Variants in ZNF208 observed in about 807,000 individuals in gnomAD.
ZNF208 encodes the protein zinc finger protein 208, also known as zinc finger protein 95.
A neutral mutation model predicts 12.1 loss-of-function variants in ZNF208; 10 were observed. The ratio of observed to expected loss-of-function variants is 0.83; its 90% CI spans 0.51 to 1.40. The LOEUF (loss-of-function observed/expected upper bound fraction) is 1.40, where lower values mean the gene tolerates loss of function less well. Among genes scored for constraint, ZNF208 ranks in the 40% most tolerant of loss-of-function variants. The pLI is 0.00. For missense variants in ZNF208, 1,652 were observed against 1,485.0 expected (o/e 1.11, Z -1.85); for synonymous variants, 497 against 488.4 (o/e 1.02, Z -0.23).
intron 3 of ZNF208, among the ~76,000 whole-genome samples, chr19:21,981,687 T>C (rs965649883): frequency 5.3e-5 from 8 of 152,138 alleles, no homozygotes; most frequent in Admixed American, 1.3e-4. Flanking sequence ...CTATTCAACA[T>C]AGTATTGGAA....
Position 21,971,547 on chromosome 19 carries a change from G to T in ZNF208, c.3487C>A (p.His1163Asn), listed in dbSNP as rs1444090593. The change falls in exon 4 of 4, where the codon CAT becomes AAT. Residue 1163 changes from histidine to asparagine, a missense_variant. Transcript: ENST00000397126. ...SSTLSYHKKI[H>N]TVEKPYKCEE... ...CATTTGTAGGGTTTCTCTACAGTAT[G>T]AATTTTCTTATGATAACTAAGGGTT... 6.2e-7 allele frequency: 1 copy of T among 1,610,492 alleles called. No homozygotes were observed.
chr19:21,979,720 A>G (rs1970500765), intron 3 of ZNF208, among the ~76,000 whole-genome samples: 1 of 152,226 alleles, frequency 6.6e-6, no homozygotes, highest in Non-Finnish European at 1.5e-5. Context: ...GATCAAATTC[A>G]CACACAACAA....
rs558232800 is a variant in ZNF208, at chr19:21,947,360, G to A, written c.306-14123C>T. ...AGACAAGTTCATTTTTGTTTGTTCT[G>A]GGGCATATGCTATAGGAACAGCCTA... On this transcript the variant is annotated intron_variant, in intron 4 of 4. Transcript: ENST00000599916. 1.1e-4 allele frequency among the ~76,000 whole-genome samples: 16 copies of A among 152,044 alleles called. No individual in the cohort carries two copies. In the South Asian group the frequency reaches 2.7e-3, roughly 26 times the overall value.
Position 21,971,598 on chromosome 19 carries a change from A to G in ZNF208, c.3436T>C (p.Cys1146Arg). 2.5e-6 allele frequency: 4 copies of G among 1,611,948 alleles called. No individual in the cohort carries two copies. Among genetic ancestry groups the G allele is most frequent in the Non-Finnish European group, 3.4e-6 (4 of 1,179,904 alleles). ...GAGGACCACTTATAGGCTTTGCCAC[A>G]TTCTTCACATTTGTAGGGTTTCTCT... ...TGEKPYKCEE[C>R]GKAYKWSSTL... Residue 1146 changes from cysteine to arginine, a missense_variant, in exon 4 of 4, where the codon TGT becomes CGT. Transcript: ENST00000397126.
intron 4 of ZNF208, among the ~76,000 whole-genome samples, chr19:21,944,845 A>G (rs575666125): frequency 4.9e-4 from 75 of 152,352 alleles, no homozygotes; most frequent in African/African-American, 1.7e-3. Context: ...GGTAGTCAAG[A>G]AAGTGACTAT....
In ZNF208 at chr19:21,969,295, G is replaced by C. The variant is rs1435515652; in HGVS notation, c.*1896C>G. Among the ~76,000 whole-genome samples the C allele has an allele frequency of 6.6e-6, 1 of 151,330 alleles. No individual in the cohort carries two copies. Among genetic ancestry groups the C allele is most frequent in the African/African-American group, 2.4e-5 (1 of 41,168 alleles). ...GTGTCTGGAAAAAAAAAAAATCTGT[G>C]TTTTGAAGAAAAAAGTATACTTTAA... is the stretch of plus-strand genomic sequence containing the variant. On this transcript the variant is annotated 3_prime_UTR_variant, in exon 4 of 4. Transcript: ENST00000397126.
intron 4 of ZNF208, among the ~76,000 whole-genome samples, chr19:21,956,117 G>T (rs926163046): frequency 6.6e-6 from 1 of 152,218 alleles, no homozygotes; most frequent in African/African-American, 2.4e-5. Flanking sequence ...GACCCTGTTT[G>T]CCTGGGTATC....
downstream of ZNF208, among the ~76,000 whole-genome samples, chr19:21,961,552 G>A (rs1970070672): frequency 6.6e-6 from 1 of 151,998 alleles, no homozygotes. Context: ...AATTCACCAG[G>A]GTGGGGTTTT....
At chr19:21,976,248 G>A (rs1970429230) in intron 3 of ZNF208, among the ~76,000 whole-genome samples, 1 of 151,990 alleles carries the variant, frequency 6.6e-6, no homozygotes, top group Non-Finnish European at 1.5e-5. Flanking sequence ...GACATAATAG[G>A]GAAGAATTTT....
At chr19:21,942,851 A>G (rs1298334209) in intron 4 of ZNF208, among the ~76,000 whole-genome samples, 2 of 152,016 alleles carry the variant, frequency 1.3e-5, no homozygotes, top group Non-Finnish European at 1.5e-5. Flanking sequence ...GGGTTTCACT[A>G]TGTTGGCCAG....
chr19:21,962,749 A>G (rs1205775760), downstream of ZNF208, among the ~76,000 whole-genome samples: 1 of 152,136 alleles, frequency 6.6e-6, no homozygotes, highest in Non-Finnish European at 1.5e-5. Context: ...AATCTTTTCA[A>G]AAGCTAATGT....
intron 3 of ZNF208, 150 bp downstream of exon 3, chr19:21,987,066 G>T: frequency 1.4e-6 from 1 of 728,902 alleles, no homozygotes; most frequent in Non-Finnish European, 2.1e-6. Context: ...AGATGCCCCT[G>T]TGTGAGAGAA....
intron 4 of ZNF208, among the ~76,000 whole-genome samples, chr19:21,942,612 A>G (rs1969758386): frequency 6.6e-6 from 1 of 152,002 alleles, no homozygotes; most frequent in Admixed American, 6.6e-5. Flanking sequence ...CCAGATTCCA[A>G]TTTATTTTCA....
At chr19:21,956,202 C>A (rs561176826) in intron 4 of ZNF208, among the ~76,000 whole-genome samples, 1 of 152,298 alleles carries the variant, frequency 6.6e-6, no homozygotes, top group East Asian at 1.9e-4. Flanking sequence ...CTGGAAGCTT[C>A]ATCTCAGAGG....
intron 4 of ZNF208, among the ~76,000 whole-genome samples, chr19:21,946,875 C>T (rs1218043568): frequency 6.6e-6 from 1 of 152,034 alleles, no homozygotes; most frequent in Non-Finnish European, 1.5e-5. Context: ...CTCAGTGTTA[C>T]CTAAAAGCCC....
intron 4 of ZNF208, among the ~76,000 whole-genome samples, chr19:21,944,548 T>G (rs541763242): frequency 1.9e-3 from 284 of 152,288 alleles, no homozygotes; most frequent in Middle Eastern, 6.8e-3. Flanking sequence ...AAATATATAC[T>G]ATATTATTTA....
intron 3 of ZNF208, 143 bp from the exon 4 acceptor site, chr19:21,974,950 T>C (rs1970401531): frequency 1.9e-6 from 2 of 1,062,232 alleles, no homozygotes; most frequent in African/African-American, 1.6e-5. Context: ...TTCATAGACA[T>C]ATAAATCTAA....
chr19:22,002,209 G>C (rs1970966876), intron 1 of ZNF208, among the ~76,000 whole-genome samples: 1 of 152,110 alleles, frequency 6.6e-6, no homozygotes, highest in Non-Finnish European at 1.5e-5. Flanking sequence ...AAAATAGTAA[G>C]TTATCTATGA....
At chr19:21,959,780 G>A (rs1293965709) in intron 4 of ZNF208, among the ~76,000 whole-genome samples, 2 of 152,150 alleles carry the variant, frequency 1.3e-5, no homozygotes, top group Admixed American at 6.6e-5. Context: ...GGACAGCAAA[G>A]CTGTATTATA....
Sources: allele counts gnomAD v4.1 joint callset (sites outside exome capture counted in the v4.1 genomes callset), GRCh38; gene constraint gnomAD v4.1.1; transcripts MANE v1.5; gene names NCBI Gene and HGNC (gene_info 2026-07-23, HGNC 2026-07-21).